SKAP2: variants seen among roughly 807,000 people sequenced by gnomAD.
The protein encoded by SKAP2 is src kinase-associated phosphoprotein 2.
SKAP2 carries 28 observed loss-of-function variants against 54.9 expected under a neutral mutation model. That is an observed-to-expected ratio of 0.51 (90% CI 0.38 to 0.70). The LOEUF (loss-of-function observed/expected upper bound fraction) is 0.70. Among genes scored for constraint, SKAP2 ranks in the 30% least tolerant of loss-of-function variants. SKAP2 has a pLI of 0.00. For synonymous variants in SKAP2, 137 were observed against 134.3 expected (o/e 1.02, Z -0.14); for missense variants, 356 against 424.1 (o/e 0.84, Z 1.41).
chr7:26,714,229 C>T (rs974944571), intron 9 of SKAP2, among the ~76,000 whole-genome samples: 1 of 151,936 alleles, frequency 6.6e-6, no homozygotes, highest in Non-Finnish European at 1.5e-5. Flanking sequence ...GAAAAGAGGC[C>T]CATGCAGGAG....
intron 10 of SKAP2, among the ~76,000 whole-genome samples, chr7:26,688,878 A>G (rs960709330): frequency 2.0e-5 from 3 of 152,186 alleles, no homozygotes; most frequent in Non-Finnish European, 2.9e-5. Context: ...AGAAAACTAC[A>G]TATTTTTGGC....
At chr7:26,783,156 C>T (rs1216245544) in intron 4 of SKAP2, among the ~76,000 whole-genome samples, 1 of 152,122 alleles carries the variant, frequency 6.6e-6, no homozygotes, top group Non-Finnish European at 1.5e-5. Context: ...TTCCTTTTTG[C>T]ATTACCCTGG....
At chr7:26,722,018 C>T (rs1008225873) in intron 9 of SKAP2, among the ~76,000 whole-genome samples, 2 of 152,154 alleles carry the variant, frequency 1.3e-5, no homozygotes, top group Non-Finnish European at 2.9e-5. Context: ...ATTAGCTGCA[C>T]AAACACAAAT....
At chr7:26,773,693 C>T (rs1783238218) in intron 4 of SKAP2, among the ~76,000 whole-genome samples, 1 of 152,128 alleles carries the variant, frequency 6.6e-6, no homozygotes, top group Admixed American at 6.5e-5. Context: ...TTATAATGAA[C>T]CACATATATG....
At chr7:26,861,060 T>C (rs969111235) in intron 1 of SKAP2, among the ~76,000 whole-genome samples, 1 of 152,038 alleles carries the variant, frequency 6.6e-6, no homozygotes, top group Non-Finnish European at 1.5e-5. Flanking sequence ...GAAAATAACA[T>C]CTTCTTAGAG....
downstream of SKAP2, among the ~76,000 whole-genome samples, chr7:26,664,162 G>T (rs1786066357): frequency 6.6e-6 from 1 of 152,156 alleles, no homozygotes; most frequent in Non-Finnish European, 1.5e-5. Flanking sequence ...CAAGGAGGCT[G>T]GTGTGAGGCT....
intron 6 of SKAP2, among the ~76,000 whole-genome samples, chr7:26,734,213 G>T (rs1335951501): frequency 6.6e-5 from 10 of 152,118 alleles, no homozygotes; most frequent in Admixed American, 6.6e-4. Flanking sequence ...CTGCTAAATG[G>T]TCCTGTTGAC....
intron 9 of SKAP2, among the ~76,000 whole-genome samples, chr7:26,723,966 C>T (rs1163681128): frequency 6.6e-6 from 1 of 151,988 alleles, no homozygotes; most frequent in Non-Finnish European, 1.5e-5. Context: ...GAATATTCTT[C>T]CCTACTTGAG....
rs138557030 is a variant in SKAP2 at position 26,668,426 on chromosome 7, A to T, written c.*1240T>A. 6.6e-6 allele frequency: 1 copy of T among 152,290 alleles called. No individual in the cohort carries two copies. Among genetic ancestry groups the T allele is most frequent in the Non-Finnish European group, 1.5e-5 (1 of 68,020 alleles). The allele number at this position is 152,290 out of a possible 1,614,324, so 9.4% of individuals were successfully genotyped here. A position where few individuals can be genotyped will look rare whatever the true frequency, so the allele number is the denominator to read the frequency against. Reference sequence around the variant, plus strand: ...TACAAATCTTGCTCAGGCAGCACAGAGTATAACTCAAATGTCAGGCTAACA... The same window carrying T: ...TACAAATCTTGCTCAGGCAGCACAGTGTATAACTCAAATGTCAGGCTAACA... On this transcript the variant is annotated 3_prime_UTR_variant, in exon 13 of 13. Coordinates refer to ENST00000345317, the MANE Select transcript of SKAP2 (RefSeq NM_003930.5).
intron 9 of SKAP2, among the ~76,000 whole-genome samples, chr7:26,697,905 T>C (rs1185360529): frequency 6.6e-6 from 1 of 152,236 alleles, no homozygotes; most frequent in African/African-American, 2.4e-5. Flanking sequence ...CAAAAGTATA[T>C]ATGCATTTCA....
intron 9 of SKAP2, among the ~76,000 whole-genome samples, chr7:26,705,311 C>T (rs1787133447): frequency 6.6e-6 from 1 of 152,152 alleles, no homozygotes; most frequent in African/African-American, 2.4e-5. Context: ...TTATTTCCAT[C>T]TAATTAAATA....
chr7:26,854,804 T>G lies in SKAP2; in HGVS notation c.154A>C (p.Ile52Leu). 1 of 1,600,292 alleles carries G rather than the reference T, an allele frequency of 6.2e-7. No individual in the cohort carries two copies. The highest frequency in any genetic ancestry group is 2.2e-5 in the East Asian group (1 of 44,522). Residue 52 changes from isoleucine (I) to leucine (L), a missense_variant, in exon 2 of 13, where the codon ATA becomes CTA. Transcript: ENST00000345317. ...ACTTACATAGACTTTACATCTTTTATCTTCTTAATAAGGGATTCTCTCTTT... is the reference window on the plus strand; with the variant it reads ...ACTTACATAGACTTTACATCTTTTAGCTTCTTAATAAGGGATTCTCTCTTT... Reference protein sequence around the residue: ...KEKRESLIKKIKDVKSIYLQE... With the variant: ...KEKRESLIKKLKDVKSIYLQE...
At chr7:26,730,349 C>T (rs1453190190) in intron 6 of SKAP2, among the ~76,000 whole-genome samples, 1 of 152,118 alleles carries the variant, frequency 6.6e-6, no homozygotes, top group Non-Finnish European at 1.5e-5. Flanking sequence ...TCCATTTACC[C>T]AGCACTGTGA....
chr7:26,780,541 A>T (rs1584385772), intron 4 of SKAP2, among the ~76,000 whole-genome samples: 1 of 152,110 alleles, frequency 6.6e-6, no homozygotes, highest in East Asian at 1.9e-4. Context: ...GTGTCCCAAT[A>T]AAACTTAACT....
rs539114645 is a variant in SKAP2 at position 26,758,061 on chromosome 7, T to A, written c.308-18097A>T. 7.9e-5 allele frequency among the ~76,000 whole-genome samples: 12 copies of A among 152,322 alleles called. No individual in the cohort carries two copies. The East Asian group carries it at 2.3e-3, about 29-fold the overall frequency. Reference sequence around the variant, plus strand: ...CGGGCGTAAGCCACTGCATCCAGCATGATACACTATTTTTTAAAATTTAAG... The same window carrying A: ...CGGGCGTAAGCCACTGCATCCAGCAAGATACACTATTTTTTAAAATTTAAG... On this transcript the variant is annotated intron_variant, in intron 4 of 12. Coordinates refer to ENST00000345317, the MANE Select transcript of SKAP2 (RefSeq NM_003930.5).
intron 9 of SKAP2, among the ~76,000 whole-genome samples, chr7:26,693,939 T>C (rs1786841723): frequency 6.6e-6 from 1 of 152,062 alleles, no homozygotes; most frequent in African/African-American, 2.4e-5. Flanking sequence ...ACAAAGGAGA[T>C]GTTCGATAAA....
At chr7:26,817,362 G>GA (rs751634843) in intron 4 of SKAP2, among the ~76,000 whole-genome samples, 2 of 151,894 alleles carry the variant, frequency 1.3e-5, no homozygotes, top group African/African-American at 2.4e-5. Flanking sequence ...CAGCAGAGAG[G>GA]AAATATTTCA....
chr7:26,701,781 T>C (rs1174978939), intron 9 of SKAP2, among the ~76,000 whole-genome samples: 1 of 152,012 alleles, frequency 6.6e-6, no homozygotes, highest in East Asian at 1.9e-4. Context: ...AAAACTTGCA[T>C]CATTGAATAG....
intron 4 of SKAP2, among the ~76,000 whole-genome samples, chr7:26,841,036 T>TA (rs1346655645): frequency 6.6e-6 from 1 of 152,076 alleles, no homozygotes; most frequent in Non-Finnish European, 1.5e-5. Flanking sequence ...TAGTAATCAA[T>TA]AAGGTACTTT....
Sources: allele counts gnomAD v4.1 joint callset (sites outside exome capture counted in the v4.1 genomes callset), GRCh38; gene constraint gnomAD v4.1.1; transcripts MANE v1.5; gene names NCBI Gene and HGNC (gene_info 2026-07-23, HGNC 2026-07-21).